The following THRB variants were observed in gnomAD, a reference collection of about 807,000 sequenced individuals.
The protein encoded by THRB is thyroid hormone receptor beta.
Under a neutral mutation model 47.8 loss-of-function variants are expected in THRB, and 12 were observed. The ratio of observed to expected loss-of-function variants is 0.25; its 90% CI spans 0.16 to 0.41. The LOEUF (loss-of-function observed/expected upper bound fraction) is 0.41. Ranked by LOEUF, THRB falls within the 10% of genes least tolerant of loss-of-function variation. The pLI is 1.00. For missense variants in THRB, 348 were observed against 589.2 expected (o/e 0.59, Z 4.24); for synonymous variants, 218 against 212.2 (o/e 1.03, Z -0.24).
intron 1 of THRB, among the ~76,000 whole-genome samples, chr3:24,435,408 T>C (rs2070841545): frequency 6.6e-6 from 1 of 152,060 alleles, no homozygotes; most frequent in South Asian, 2.1e-4. Flanking sequence ...AAGATGGACA[T>C]GGAGGTGCAG....
intron 1 of THRB, among the ~76,000 whole-genome samples, chr3:24,493,734 G>A (rs1698546009): frequency 6.6e-6 from 1 of 151,956 alleles, no homozygotes; most frequent in African/African-American, 2.4e-5. Flanking sequence ...TTTTCCATTT[G>A]GGGAAACTTG....
chr3:24,453,332 T>C (rs893647114), intron 1 of THRB, among the ~76,000 whole-genome samples: 3 of 152,210 alleles, frequency 2.0e-5, no homozygotes, highest in African/African-American at 7.2e-5. Context: ...AACGGTGGCA[T>C]AGGAAAATTA....
chr3:24,135,560 A>G (rs1045131986), intron 8 of THRB, among the ~76,000 whole-genome samples: 4 of 152,168 alleles, frequency 2.6e-5, no homozygotes, highest in Non-Finnish European at 5.9e-5. Context: ...GGGAGCAGGC[A>G]GAATTGATGA....
At chr3:24,245,972 C>T (rs28502662) in intron 3 of THRB, among the ~76,000 whole-genome samples, 32,552 of 151,962 alleles carry the variant, frequency 0.21, 5,017 homozygotes, top group African/African-American at 0.43. Flanking sequence ...ATGTGGGTTA[C>T]GTAAAGTGTA....
chr3:24,199,457 C>G (rs1364920157), intron 4 of THRB, among the ~76,000 whole-genome samples: 1 of 152,176 alleles, frequency 6.6e-6, no homozygotes, highest in Non-Finnish European at 1.5e-5. Flanking sequence ...TTTGCTATCA[C>G]AGAGTGCTTC....
intron 1 of THRB, among the ~76,000 whole-genome samples, chr3:24,431,328 A>G (rs530436626): frequency 1.3e-4 from 19 of 151,728 alleles, no homozygotes; most frequent in African/African-American, 4.4e-4. Context: ...TCAAAAGAGA[A>G]GTGGGTGAAG....
intron 4 of THRB, among the ~76,000 whole-genome samples, chr3:24,201,002 C>T (rs778884956): frequency 5.3e-5 from 8 of 152,152 alleles, no homozygotes; most frequent in Non-Finnish European, 1.0e-4. Context: ...GCACCTGTAT[C>T]TCACTGATAC....
intron 3 of THRB, among the ~76,000 whole-genome samples, chr3:24,288,789 A>T (rs2055609506): frequency 6.6e-6 from 1 of 152,192 alleles, no homozygotes; most frequent in Non-Finnish European, 1.5e-5. Context: ...TAAAAAATGA[A>T]ATGAAGTAGA....
At chr3:24,319,907 T>A (rs1452550407) in intron 2 of THRB, among the ~76,000 whole-genome samples, 1 of 152,208 alleles carries the variant, frequency 6.6e-6, no homozygotes, top group African/African-American at 2.4e-5. Context: ...CACAGCATTA[T>A]GGCAAACTCA....
At chr3:24,190,703 C>T (rs1453315940) in intron 4 of THRB, among the ~76,000 whole-genome samples, 3 of 151,834 alleles carry the variant, frequency 2.0e-5, no homozygotes, top group Non-Finnish European at 2.9e-5. Context: ...CAGGGCTGGC[C>T]GTGAACACTT....
chr3:24,444,615 T>C (rs1577616358), intron 1 of THRB, among the ~76,000 whole-genome samples: 1 of 152,220 alleles, frequency 6.6e-6, no homozygotes, highest in African/African-American at 2.4e-5. Flanking sequence ...TTTTGTTTTG[T>C]TTTTTGAGAT....
chr3:24,168,490 A>AT (rs1559499553), intron 5 of THRB, among the ~76,000 whole-genome samples: 2 of 137,968 alleles, frequency 1.4e-5, no homozygotes, highest in Non-Finnish European at 3.2e-5. Flanking sequence ...TTCAATCAAT[A>AT]ATATATATAT....
At chr3:24,244,277 G>A (rs1562737) in intron 3 of THRB, among the ~76,000 whole-genome samples, 131,401 of 152,210 alleles carry the variant, frequency 0.86, 57,199 homozygotes, top group African/African-American at 0.96. Context: ...TAAAACTGTT[G>A]AAAATACACA....
At chr3:24,183,113 T>A (rs574134237) in intron 5 of THRB, among the ~76,000 whole-genome samples, 43 of 152,186 alleles carry the variant, frequency 2.8e-4, no homozygotes, top group African/African-American at 9.6e-4. Flanking sequence ...TTTTCAACTG[T>A]TTATGCCTCT....
At chr3:24,447,825 A>C (rs956869071) in intron 1 of THRB, among the ~76,000 whole-genome samples, 1 of 152,016 alleles carries the variant, frequency 6.6e-6, no homozygotes, top group African/African-American at 2.4e-5. Flanking sequence ...AGGTTTCATA[A>C]TTTAGTGATC....
At chr3:24,160,843 C>G (rs770880725) in intron 5 of THRB, among the ~76,000 whole-genome samples, 10 of 152,212 alleles carry the variant, frequency 6.6e-5, no homozygotes, top group Non-Finnish European at 1.5e-4. Flanking sequence ...ACTCCATATG[C>G]AGAAAGTCAG....
intron 1 of THRB, among the ~76,000 whole-genome samples, chr3:24,365,655 T>A (rs1200466282): frequency 2.0e-5 from 3 of 152,138 alleles, no homozygotes; most frequent in Admixed American, 2.0e-4. Flanking sequence ...CTGGAAAAAA[T>A]TAATTTGATT....
intron 3 of THRB, among the ~76,000 whole-genome samples, chr3:24,284,339 C>T (rs967898558): frequency 2.2e-4 from 33 of 151,396 alleles, no homozygotes; most frequent in Admixed American, 5.9e-4. Context: ...GAAAGGATTC[C>T]CTATTTAATC....
chr3:24,403,144 A>G (rs1173393285), intron 1 of THRB, among the ~76,000 whole-genome samples: 1 of 152,060 alleles, frequency 6.6e-6, no homozygotes, highest in Non-Finnish European at 1.5e-5. Context: ...CATTGAGTGA[A>G]AAAATCTTGG....
Sources: gnomAD v4.1 joint callset for allele counts (sites outside exome capture counted in the v4.1 genomes callset) on GRCh38, gnomAD v4.1.1 for gene constraint, MANE v1.5 for transcripts, NCBI Gene and HGNC (gene_info 2026-07-23, HGNC 2026-07-21) for gene names.